Variants in STAG1 observed in about 807,000 individuals in gnomAD.
The protein encoded by STAG1 is STAG1 cohesin complex component, also known as cohesin subunit SA-1.
A neutral mutation model predicts 170.9 loss-of-function variants in STAG1; 26 were observed. The observed-to-expected ratio is 0.15, with a 90% CI of 0.11 to 0.21. The LOEUF is 0.21. Ranked by LOEUF, STAG1 falls within the 10% of genes least tolerant of loss-of-function variation. STAG1 has a pLI of 1.00. For synonymous variants in STAG1, 514 were observed against 497.7 expected, an observed-to-expected ratio of 1.03 and a Z score of -0.44; for missense variants, 964 against 1,509.5, an observed-to-expected ratio of 0.64 and a Z score of 5.99.
chr3:136,610,456 AC>A (rs1939216411), intron 3 of STAG1, among the ~76,000 whole-genome samples: 2 of 152,078 alleles, frequency 1.3e-5, no homozygotes, highest in African/African-American at 4.8e-5. Context: ...TTTCCCAATA[AC>A]TTTGTTAATG....
intron 1 of STAG1, among the ~76,000 whole-genome samples, chr3:136,638,519 T>C (rs1940669863): frequency 6.6e-6 from 1 of 152,156 alleles, no homozygotes; most frequent in African/African-American, 2.4e-5. Context: ...TATGGATATA[T>C]TTATTTTTAA....
Position 136,565,407 on chromosome 3 carries a change from CA to C in STAG1, c.394+3357del, listed in dbSNP as rs781285621. 6.4e-4 allele frequency among the ~76,000 whole-genome samples: 97 copies of C among 152,138 alleles called. 2 individuals carry two copies. Among genetic ancestry groups the C allele is most frequent in the Admixed American group, 1.2e-3 (18 of 15,274 alleles). On this transcript the variant is annotated intron_variant, in intron 5 of 33. Transcript: ENST00000383202. ...TCTTCAAAGAAAATACAGACATGTC[CA>C]ACAAGCACATGAAAAGAAGTTCAAG...
At chr3:136,704,203 A>C (rs112070278) in intron 1 of STAG1, among the ~76,000 whole-genome samples, 7 of 151,688 alleles carry the variant, frequency 4.6e-5, no homozygotes, top group African/African-American at 1.4e-4. Context: ...GGAGTGCACC[A>C]CGACGCCTGG....
rs116598122 is a variant in STAG1, at chr3:136,701,942, C to G, written c.-84+50253G>C. ...ATTAGATTTTAACTGCTAAGTCAAACTTAATAGGTATTCTTTTACTCTTTT... is the reference window on the plus strand; with the variant it reads ...ATTAGATTTTAACTGCTAAGTCAAAGTTAATAGGTATTCTTTTACTCTTTT... On this transcript the variant is annotated intron_variant, in intron 1 of 33. Coordinates refer to ENST00000383202, the MANE Select transcript of STAG1 (RefSeq NM_005862.3). Among the ~76,000 whole-genome samples, 476 of 151,740 alleles carry G rather than the reference C, an allele frequency of 3.1e-3. 6 individuals are homozygous for G. Among genetic ancestry groups the G allele is most frequent in the African/African-American group, 0.011 (460 of 41,250 alleles).
At position 136,536,616 on chromosome 3, in the gene STAG1, G is replaced by A. The variant is rs566441632; in HGVS notation, c.471+5503C>T. The stretch of plus-strand genomic sequence containing the variant: ...CTCAGGAGGCTAAGGCACGAGAATC[G>A]CTTCAACTCGGGAGGCAGAAGTTGC... On this transcript the variant is annotated intron_variant, in intron 6 of 33. Coordinates refer to ENST00000383202, the MANE Select transcript of STAG1 (RefSeq NM_005862.3). Among the ~76,000 whole-genome samples, 3 of 148,914 alleles carry A rather than the reference G, an allele frequency of 2.0e-5. No individual in the cohort carries two copies. The Admixed American group carries it at 2.1e-4, about 10-fold the overall frequency.
intron 6 of STAG1, among the ~76,000 whole-genome samples, chr3:136,531,702 T>G (rs538456057): frequency 1.4e-5 from 2 of 146,954 alleles, no homozygotes; most frequent in Admixed American, 1.4e-4. Context: ...TAGGTGGGAA[T>G]TGAACAATGA....
rs1014907373 is a variant in STAG1, at chr3:136,516,982, G to C, written c.676+4231C>G. On this transcript the variant is annotated intron_variant, in intron 7 of 33. Coordinates refer to ENST00000383202, the MANE Select transcript of STAG1 (RefSeq NM_005862.3). Reference sequence around the variant, plus strand: ...AAATAAAAAGACTTCAATTTTCTGAGGCAAAATTATTTTCAGCCTCTGATC... The same window carrying C: ...AAATAAAAAGACTTCAATTTTCTGACGCAAAATTATTTTCAGCCTCTGATC... 2.0e-5 allele frequency among the ~76,000 whole-genome samples: 3 copies of C among 152,100 alleles called. No homozygotes were observed. The East Asian group carries it at 5.8e-4, about 29-fold the overall frequency.
At chr3:136,345,865 G>T (rs946471642) in intron 29 of STAG1, among the ~76,000 whole-genome samples, 12 of 151,980 alleles carry the variant, frequency 7.9e-5, no homozygotes, top group Non-Finnish European at 1.6e-4. Context: ...CCATTGTCTG[G>T]TTAAAGTAAT....
intron 12 of STAG1, among the ~76,000 whole-genome samples, chr3:136,469,119 G>A (rs2089553317): frequency 6.6e-6 from 1 of 152,112 alleles, no homozygotes; most frequent in Admixed American, 6.6e-5. Flanking sequence ...TCAACATAGT[G>A]TTGGAAGTTC....
chr3:136,637,533 A>G (rs1940617444), intron 1 of STAG1, among the ~76,000 whole-genome samples: 3 of 152,158 alleles, frequency 2.0e-5, no homozygotes, highest in African/African-American at 7.2e-5. Flanking sequence ...ACTATTTTTA[A>G]AATATCTCAG....
chr3:136,405,118 C>T (rs1483080090), intron 21 of STAG1, among the ~76,000 whole-genome samples: 2 of 150,424 alleles, frequency 1.3e-5, no homozygotes, highest in African/African-American at 2.5e-5. Flanking sequence ...TTAATATGAG[C>T]GACAATTAAC....
intron 3 of STAG1, among the ~76,000 whole-genome samples, chr3:136,606,437 C>A (rs561941603): frequency 3.3e-5 from 5 of 152,298 alleles, no homozygotes; most frequent in African/African-American, 1.2e-4. Flanking sequence ...GATCCACCCA[C>A]CTCACCTCCC....
chr3:136,452,803 T>C (rs1043552465), intron 13 of STAG1, among the ~76,000 whole-genome samples: 3 of 152,178 alleles, frequency 2.0e-5, no homozygotes, highest in Admixed American at 2.0e-4. Context: ...TCTATTTTCT[T>C]TTTTGAGACA....
At chr3:136,446,594 T>C (rs2088786013) in intron 14 of STAG1, among the ~76,000 whole-genome samples, 1 of 152,024 alleles carries the variant, frequency 6.6e-6, no homozygotes, top group Non-Finnish European at 1.5e-5. Flanking sequence ...GACTAATTTT[T>C]ACATTTTTAG....
chr3:136,708,326 C>A (rs979727393), intron 1 of STAG1, among the ~76,000 whole-genome samples: 1 of 151,898 alleles, frequency 6.6e-6, no homozygotes, highest in African/African-American at 2.4e-5. Context: ...TATGCTATAA[C>A]TTCGATAAAC....
At chr3:136,609,959 T>TA (rs895526646) in intron 3 of STAG1, among the ~76,000 whole-genome samples, 161 of 151,234 alleles carry the variant, frequency 1.1e-3, no homozygotes, top group African/African-American at 3.6e-3. Flanking sequence ...GTCCTGAATT[T>TA]AAAAAAAAAA....
At chr3:136,648,740 A>AAT (rs2107853523) in intron 1 of STAG1, among the ~76,000 whole-genome samples, 1 of 152,222 alleles carries the variant, frequency 6.6e-6, no homozygotes, top group South Asian at 2.1e-4. Context: ...TTACCTGTAA[A>AAT]ATGTATGTTA....
chr3:136,751,408 A>G (rs1372787728), intron 1 of STAG1, among the ~76,000 whole-genome samples: 2 of 152,110 alleles, frequency 1.3e-5, no homozygotes, highest in Non-Finnish European at 2.9e-5. Flanking sequence ...CAAGCACTCT[A>G]GTTTCCCACC....
intron 31 of STAG1, among the ~76,000 whole-genome samples, 154 bp downstream of exon 31, chr3:136,341,287 A>C (rs779146425): frequency 3.9e-5 from 6 of 152,232 alleles, no homozygotes; most frequent in Non-Finnish European, 8.8e-5. Context: ...TGAAAGTGTT[A>C]AGAACTCACA....
Sources: allele counts gnomAD v4.1 joint callset (sites outside exome capture counted in the v4.1 genomes callset), GRCh38; gene constraint gnomAD v4.1.1; transcripts MANE v1.5; gene names NCBI Gene and HGNC (gene_info 2026-07-23, HGNC 2026-07-21).